ZNF736: variants seen among roughly 807,000 people sequenced by gnomAD.
ZNF736 encodes the protein zinc finger protein 736, also known as KRAB-containing zinc-finger repressor protein.
A neutral mutation model predicts 11.7 loss-of-function variants in ZNF736; 6 were observed. The observed-to-expected ratio is 0.51, with a 90% CI of 0.28 to 1.01. The LOEUF (loss-of-function observed/expected upper bound fraction) is 1.01. Among genes scored for constraint, ZNF736 ranks in the 50% least tolerant of loss-of-function variants. The pLI is 0.09. For missense variants in ZNF736, 444 were observed against 496.0 expected (o/e 0.90, Z 1.00); for synonymous variants, 139 against 164.7 (o/e 0.84, Z 1.19).
At position 64,352,925 on chromosome 7, in the gene ZNF736, G is replaced by GTACAACATT. The variant is rs1372117040; in HGVS notation, c.*3778_*3779insTACAACATT. On this transcript the variant is annotated 3_prime_UTR_variant, in exon 4 of 4. Transcript: ENST00000423484. ...TACCACGTGAGGCATTGTTGAAGTG[G>GTACAACATT]GTCCTACAGACCATCACTATCAGCC... The GTACAACATT allele has an allele frequency of 6.6e-5, 10 of 152,178 alleles. No homozygotes were observed. The highest frequency in any genetic ancestry group is 1.5e-4 in the Non-Finnish European group (10 of 68,102). The allele number at this position is 152,178 out of a possible 1,614,324, so 9.4% of individuals were successfully genotyped here.
intron 3 of ZNF736, among the ~76,000 whole-genome samples, chr7:64,342,907 ATT>A (rs751741783): frequency 5.9e-5 from 9 of 151,988 alleles, no homozygotes; most frequent in Admixed American, 2.0e-4. Context: ...CTGTATTTAT[ATT>A]GTTTATATTA....
chr7:64,337,326 T>C, intron 3 of ZNF736: 1 of 252,562 alleles, frequency 4.0e-6, no homozygotes, highest in Admixed American at 5.1e-5. Flanking sequence ...CAGCAATATC[T>C]GTATTTTTGA....
intron 3 of ZNF736, among the ~76,000 whole-genome samples, chr7:64,339,061 T>A (rs1451556778): frequency 6.6e-6 from 1 of 152,208 alleles, no homozygotes; most frequent in African/African-American, 2.4e-5. Context: ...TTAATTTGCA[T>A]CTGCCAGATT....
At position 64,355,046 on chromosome 7, in the gene ZNF736, A is replaced by G. The variant is rs951321152; in HGVS notation, c.*5899A>G. On this transcript the variant is annotated 3_prime_UTR_variant, in exon 4 of 4. Transcript: ENST00000423484. ...AAAAATGACATTAATTCTGCATATG[A>G]AGAGAGCATAATTGTACCCATGCCA... 2.0e-5 allele frequency: 3 copies of G among 152,264 alleles called. No individual in the cohort carries two copies. Among genetic ancestry groups the G allele is most frequent in the African/African-American group, 7.2e-5 (3 of 41,452 alleles). 9.4% of individuals were successfully genotyped at this position (152,264 alleles called of 1,614,324 possible). A position where few individuals can be genotyped will look rare whatever the true frequency, so the allele number is the denominator to read the frequency against.
At chr7:64,337,761 T>TTTTTTG (rs1789279021) in intron 3 of ZNF736, among the ~76,000 whole-genome samples, 1 of 134,426 alleles carries the variant, frequency 7.4e-6, no homozygotes. Context: ...TTTTGGTTTT[T>TTTTTTG]TTTTTTTTTT....
Position 64,348,519 on chromosome 7 carries a change from A to AT in ZNF736, c.657dup (p.Lys220Ter). ...AAAAAGTTTTCAAACCTTACTGAAC[A>AT]TAAGAGAGTTCATACTGGAGAGAAA... On this transcript the variant is annotated frameshift_variant, in exon 4 of 4. Coordinates refer to ENST00000423484, the MANE Select transcript of ZNF736 (RefSeq NM_001170905.3). LOFTEE classifies it low-confidence loss of function (END_TRUNC). 6.3e-7 allele frequency: 1 copy of AT among 1,576,896 alleles called. No individual in the cohort carries two copies. The highest frequency in any genetic ancestry group is 1.4e-5 in the African/African-American group (1 of 73,828).
At chr7:64,333,988 C>G (rs1407270272) in intron 1 of ZNF736, among the ~76,000 whole-genome samples, 1 of 152,082 alleles carries the variant, frequency 6.6e-6, no homozygotes, top group Non-Finnish European at 1.5e-5. Flanking sequence ...GAAATAACAC[C>G]ACACATATAC....
At chr7:64,330,012 A>G (rs897456400) in intron 1 of ZNF736, among the ~76,000 whole-genome samples, 13 of 152,074 alleles carry the variant, frequency 8.5e-5, no homozygotes, top group Middle Eastern at 3.4e-3. Context: ...AGCATAAGAA[A>G]CCACTCCCCA....
At chr7:64,339,487 A>G (rs527342258) in intron 3 of ZNF736, among the ~76,000 whole-genome samples, 2 of 152,222 alleles carry the variant, frequency 1.3e-5, no homozygotes, top group Admixed American at 1.3e-4. Flanking sequence ...GTCTAATTTT[A>G]TTCTTTTACT....
chr7:64,318,641 T>C (rs1019687577), intron 1 of ZNF736, among the ~76,000 whole-genome samples: 1 of 152,190 alleles, frequency 6.6e-6, no homozygotes, highest in Admixed American at 6.5e-5. Context: ...ACTAGTCATG[T>C]TTACCAAAAG....
chr7:64,338,575 A>G (rs527720106), intron 3 of ZNF736, among the ~76,000 whole-genome samples: 4 of 152,170 alleles, frequency 2.6e-5, no homozygotes, highest in Non-Finnish European at 4.4e-5. Context: ...TATATTCTCC[A>G]TAGAAGTGAG....
chr7:64,337,766 T>TTTTTTTTG (rs1562673693), intron 3 of ZNF736, among the ~76,000 whole-genome samples: 1 of 147,016 alleles, frequency 6.8e-6, no homozygotes, highest in Non-Finnish European at 1.5e-5. Context: ...GTTTTTTTTT[T>TTTTTTTTG]TTTTTGAGAC....
chr7:64,341,087 A>G (rs1335403420), intron 3 of ZNF736, among the ~76,000 whole-genome samples: 2 of 150,828 alleles, frequency 1.3e-5, no homozygotes, highest in African/African-American at 4.9e-5. Flanking sequence ...TAGTTTTCTG[A>G]TTTTTGTTTT....
intron 1 of ZNF736, among the ~76,000 whole-genome samples, chr7:64,328,811 T>C (rs1789118195): frequency 6.6e-6 from 1 of 152,202 alleles, no homozygotes; most frequent in Admixed American, 6.5e-5. Flanking sequence ...CTTGGTATTC[T>C]ATAACCTTCT....
At chr7:64,340,423 CA>C (rs35669448) in intron 3 of ZNF736, among the ~76,000 whole-genome samples, 51,906 of 151,968 alleles carry the variant, frequency 0.34, 9,523 homozygotes, top group African/African-American at 0.49. Context: ...TAAGTCAAGT[CA>C]AAATAGTTGA....
intron 3 of ZNF736, 102 bp from the exon 4 acceptor site, chr7:64,347,988 T>C (rs891060696): frequency 3.7e-5 from 37 of 1,007,674 alleles, no homozygotes; most frequent in Middle Eastern, 5.2e-4. Context: ...ATAGAGCCTG[T>C]GGTATTTTAT....
rs1448035275 is a variant in ZNF736 at position 64,345,139 on chromosome 7, G to A, written c.227-2951G>A. On this transcript the variant is annotated intron_variant, in intron 3 of 3. Coordinates refer to ENST00000423484, the MANE Select transcript of ZNF736 (RefSeq NM_001170905.3). ...CCCTGGTTCACACCATTCTTCTGCC[G>A]ACGCCTCCAGAGTAGCTGGGGCTAT... 1.3e-4 allele frequency among the ~76,000 whole-genome samples: 19 copies of A among 151,310 alleles called. 1 individual carries two copies. Among genetic ancestry groups the A allele is most frequent in the Admixed American group, 8.6e-4 (13 of 15,176 alleles).
Position 64,348,605 on chromosome 7 carries a change from A to G in ZNF736, c.742A>G (p.Lys248Glu). The G allele has an allele frequency of 6.2e-7, 1 of 1,600,666 alleles. No individual in the cohort carries two copies. Among genetic ancestry groups the G allele is most frequent in the Non-Finnish European group, 8.5e-7 (1 of 1,173,406 alleles). Reference protein sequence around the residue: ...FTCSSTLVKHKRNHTGDRPYK... With the variant: ...FTCSSTLVKHERNHTGDRPYK... ...CTGCTCCTCAACCCTTGTTAAACAC[A>G]AGAGAAATCATACTGGAGACAGACC... The change falls in exon 4 of 4, where the codon AAG (lysine) becomes GAG (glutamate). Residue 248 changes from lysine (K) to glutamate (E), a missense_variant. Physicochemically the swap from Lys to Glu is moderately conservative, Grantham distance 56. Coordinates refer to ENST00000423484, the MANE Select transcript of ZNF736 (RefSeq NM_001170905.3).
At chr7:64,328,031 T>C (rs1220384256) in intron 1 of ZNF736, among the ~76,000 whole-genome samples, 1 of 152,224 alleles carries the variant, frequency 6.6e-6, no homozygotes, top group African/African-American at 2.4e-5. Flanking sequence ...TATAGACTAA[T>C]CTTTTAGTCT....
Sources: gnomAD v4.1 joint callset for allele counts (sites outside exome capture counted in the v4.1 genomes callset) on GRCh38, gnomAD v4.1.1 for gene constraint, MANE v1.5 for transcripts, NCBI Gene and HGNC (gene_info 2026-07-23, HGNC 2026-07-21) for gene names.